The following MCTP1 variants were observed in gnomAD, a reference collection of about 807,000 sequenced individuals.
MCTP1 encodes multiple C2 and transmembrane domain-containing protein 1.
MCTP1 carries 69 observed loss-of-function variants against 120.6 expected under a neutral mutation model. The observed-to-expected ratio is 0.57, with a 90% confidence interval of 0.47 to 0.70. MCTP1 has a LOEUF of 0.70. MCTP1 is among the 30% of genes least tolerant of loss of function. The pLI, the probability that MCTP1 is intolerant of heterozygous loss-of-function variation, is 0.00. For synonymous variants in MCTP1, 529 were observed against 493.1 expected, an observed-to-expected ratio of 1.07 and a Z score of -0.96; for missense variants, 1,203 against 1,248.8, an observed-to-expected ratio of 0.96 and a Z score of 0.55.
intron 1 of MCTP1, among the ~76,000 whole-genome samples, chr5:95,225,183 C>T (rs959122874): frequency 2.0e-5 from 3 of 152,118 alleles, no homozygotes; most frequent in South Asian, 4.1e-4. Flanking sequence ...TTAATGTTTC[C>T]TCTGGATTCT....
intron 19 of MCTP1, among the ~76,000 whole-genome samples, chr5:94,748,676 G>A (rs1271436961): frequency 6.6e-6 from 1 of 152,154 alleles, no homozygotes; most frequent in Non-Finnish European, 1.5e-5. Flanking sequence ...TTTACTTTTT[G>A]AGCATAGTTA....
intron 1 of MCTP1, among the ~76,000 whole-genome samples, chr5:95,278,985 T>C (rs1760094027): frequency 1.3e-5 from 2 of 152,084 alleles, no homozygotes; most frequent in South Asian, 4.2e-4. Flanking sequence ...AAAAATTATT[T>C]TCTGCTTACC....
intron 17 of MCTP1, among the ~76,000 whole-genome samples, chr5:94,829,370 C>G (rs1331779350): frequency 6.6e-6 from 1 of 152,182 alleles, no homozygotes; most frequent in Non-Finnish European, 1.5e-5. Flanking sequence ...CTGCCTTCTG[C>G]GTTGGTCTCG....
chr5:95,073,767 C>T (rs979348604), intron 1 of MCTP1, among the ~76,000 whole-genome samples: 9 of 152,144 alleles, frequency 5.9e-5, no homozygotes, highest in African/African-American at 2.2e-4. Context: ...CTCCTTGAAG[C>T]ATTCTTGGTG....
At chr5:94,999,975 T>C (rs1013245552) in intron 2 of MCTP1, among the ~76,000 whole-genome samples, 2 of 152,200 alleles carry the variant, frequency 1.3e-5, no homozygotes, top group Admixed American at 6.5e-5. Context: ...TGAAGCAGTC[T>C]TGGACTCATT....
At chr5:94,850,247 A>G (rs1040500205) in intron 17 of MCTP1, among the ~76,000 whole-genome samples, 1 of 152,176 alleles carries the variant, frequency 6.6e-6, no homozygotes, top group East Asian at 1.9e-4. Context: ...ATGGGGTCAC[A>G]ATGCAAAGTA....
At position 94,956,097 on chromosome 5, in the gene MCTP1, A is replaced by G. The variant is rs562998045; in HGVS notation, c.839-2736T>C. Among the ~76,000 whole-genome samples, 19 of 152,366 alleles carry G rather than the reference A, an allele frequency of 1.2e-4. No individual in the cohort carries two copies. In the South Asian group the frequency reaches 2.9e-3, roughly 23 times the overall value. ...CAGGCAGCAATCTTTGCTGTTCTGC[A>G]GCCTCTGCTGGTGATACCCAGGCAA... On this transcript the variant is annotated intron_variant, in intron 2 of 22. Transcript: ENST00000515393.
chr5:94,781,014 G>C (rs897221250), intron 18 of MCTP1, among the ~76,000 whole-genome samples: 2 of 152,252 alleles, frequency 1.3e-5, no homozygotes, highest in African/African-American at 4.8e-5. Flanking sequence ...AGATGGAAAA[G>C]AAGCTGCATT....
chr5:94,910,571 T>C (rs1808287120), intron 9 of MCTP1, among the ~76,000 whole-genome samples: 1 of 152,176 alleles, frequency 6.6e-6, no homozygotes, highest in African/African-American at 2.4e-5. Context: ...AATCACAATT[T>C]TTAAAGTTCA....
intron 19 of MCTP1, among the ~76,000 whole-genome samples, chr5:94,747,189 G>T (rs745984030): frequency 6.6e-6 from 1 of 152,078 alleles, no homozygotes; most frequent in Non-Finnish European, 1.5e-5. Flanking sequence ...AGCATAGCAC[G>T]ACAGCAGCAA....
intron 1 of MCTP1, among the ~76,000 whole-genome samples, chr5:95,237,121 C>T (rs1755626714): frequency 6.6e-6 from 1 of 152,100 alleles, no homozygotes; most frequent in African/African-American, 2.4e-5. Context: ...GCCAGAAATC[C>T]CCCACATCCT....
intron 8 of MCTP1, among the ~76,000 whole-genome samples, chr5:94,914,351 A>C (rs186095): frequency 0.082 from 12,497 of 152,208 alleles, 542 homozygotes; most frequent in South Asian, 0.1. Context: ...ATTTTACGTA[A>C]CTCTGCCTCC....
chr5:94,929,124 C>T (rs575239796), intron 6 of MCTP1, among the ~76,000 whole-genome samples: 3 of 152,186 alleles, frequency 2.0e-5, no homozygotes, highest in East Asian at 1.9e-4. Context: ...GGGAGACAGG[C>T]GTATTTAAAA....
chr5:94,823,242 G>A (rs756815459), intron 17 of MCTP1, among the ~76,000 whole-genome samples: 6 of 152,114 alleles, frequency 3.9e-5, no homozygotes, highest in Non-Finnish European at 1.5e-5. Flanking sequence ...GTAAGGAAGG[G>A]TCCAGTTTAA....
At chr5:95,133,239 C>G (rs1176790677) in intron 1 of MCTP1, among the ~76,000 whole-genome samples, 1 of 152,204 alleles carries the variant, frequency 6.6e-6, no homozygotes, top group Non-Finnish European at 1.5e-5. Context: ...AAGACCCCCA[C>G]TGGATACTTG....
intron 1 of MCTP1, among the ~76,000 whole-genome samples, chr5:95,264,485 T>C (rs1027850530): frequency 1.3e-5 from 2 of 152,196 alleles, no homozygotes; most frequent in African/African-American, 4.8e-5. Flanking sequence ...AGCTCATAGA[T>C]AGATTTTCTG....
intron 1 of MCTP1, chr5:95,024,255 C>A: frequency 4.2e-6 from 1 of 237,302 alleles, no homozygotes; most frequent in Non-Finnish European, 8.8e-6. Context: ...GTCTTTAATC[C>A]ATTTTGAGTT....
At chr5:95,150,352 C>A (rs192625905) in intron 1 of MCTP1, among the ~76,000 whole-genome samples, 72 of 152,226 alleles carry the variant, frequency 4.7e-4, no homozygotes, top group Admixed American at 4.1e-3. Flanking sequence ...GTTATGGAGC[C>A]AAACCTCTAG....
chr5:94,785,259 C>G (rs184990077), intron 18 of MCTP1, among the ~76,000 whole-genome samples: 65 of 152,190 alleles, frequency 4.3e-4, no homozygotes, highest in African/African-American at 1.4e-3. Flanking sequence ...TTCTTATTCT[C>G]ACACAAAGCA....
Sources: allele counts gnomAD v4.1 joint callset (sites outside exome capture counted in the v4.1 genomes callset), GRCh38; gene constraint gnomAD v4.1.1; transcripts MANE v1.5; gene names NCBI Gene and HGNC (gene_info 2026-07-23, HGNC 2026-07-21).